VRK2: variants seen among roughly 807,000 people sequenced by gnomAD.
The protein encoded by VRK2 is serine/threonine-protein kinase VRK2.
VRK2 carries 60 observed loss-of-function variants against 57.6 expected under a neutral mutation model. That is an observed-to-expected ratio of 1.04 (90% confidence interval 0.85 to 1.29). VRK2 has a LOEUF of 1.29. Ranked by LOEUF, VRK2 falls within the 50% of genes most tolerant of loss-of-function variation. The pLI, the probability that VRK2 is intolerant of heterozygous loss-of-function variation, is 0.00. For missense variants in VRK2, 705 were observed against 588.1 expected (o/e 1.20, Z -2.06); for synonymous variants, 231 against 199.2 (o/e 1.16, Z -1.35).
chr2:58,047,616 A>G (rs1276355345), intron 1 of VRK2: 4 of 271,234 alleles, frequency 1.5e-5, no homozygotes, highest in Non-Finnish European at 2.3e-5. Flanking sequence ...TAAATCAGTA[A>G]ATCTGTAATA....
intron 1 of VRK2, among the ~76,000 whole-genome samples, chr2:57,958,482 T>C (rs910313998): frequency 4.0e-5 from 6 of 151,694 alleles, no homozygotes; most frequent in African/African-American, 1.4e-4. Flanking sequence ...CACACACACA[T>C]ATATCATATA....
intron 1 of VRK2, among the ~76,000 whole-genome samples, chr2:58,009,812 C>T (rs932520299): frequency 4.6e-5 from 7 of 152,072 alleles, no homozygotes; most frequent in African/African-American, 1.2e-4. Flanking sequence ...CTACGCTTTA[C>T]TTACATGAGA....
chr2:58,042,310 T>C (rs1024059762), upstream of VRK2, among the ~76,000 whole-genome samples: 2 of 152,322 alleles, frequency 1.3e-5, no homozygotes, highest in East Asian at 1.9e-4. Flanking sequence ...GTTTATCTAA[T>C]GGGCTTGGAA....
intron 2 of VRK2, among the ~76,000 whole-genome samples, chr2:58,053,787 GAC>G (rs1676103849): frequency 6.6e-6 from 1 of 152,102 alleles, no homozygotes; most frequent in Non-Finnish European, 1.5e-5. Flanking sequence ...AGCCTTATCT[GAC>G]ACAATGCAAC....
At chr2:58,046,062 C>T (rs1176404428), upstream of VRK2, among the ~76,000 whole-genome samples, 1 of 152,146 alleles carries the variant, frequency 6.6e-6, no homozygotes, top group Non-Finnish European at 1.5e-5. Context: ...CCAGGCTGGT[C>T]TCAAACTCCT....
chr2:58,086,434 G>T lies in VRK2; in HGVS notation c.344+8G>T, dbSNP rs575588866. The T allele has an allele frequency of 1.5e-4, 240 of 1,567,630 alleles. 3 individuals are homozygous for T. In the South Asian group the frequency reaches 2.8e-3, roughly 18 times the overall value. On this transcript the variant is annotated splice_region_variant and intron_variant, in intron 5 of 12. Coordinates refer to ENST00000340157, the MANE Select transcript of VRK2 (RefSeq NM_006296.7). ...TGAATTCAAGGGAAGAAGGTAAAAT[G>T]GAATTATTATAATCAAATATTTCTT...
chr2:57,978,079 A>T (rs1032205796), intron 1 of VRK2, among the ~76,000 whole-genome samples: 1 of 151,254 alleles, frequency 6.6e-6, no homozygotes, highest in African/African-American at 2.5e-5. Context: ...ATTTGATCAT[A>T]GTGAATTAGC....
intron 1 of VRK2, among the ~76,000 whole-genome samples, chr2:58,013,235 T>C (rs972251957): frequency 6.6e-6 from 1 of 152,204 alleles, no homozygotes; most frequent in Non-Finnish European, 1.5e-5. Context: ...TAACCAAAAT[T>C]TGATTATTAC....
intron 7 of VRK2, among the ~76,000 whole-genome samples, chr2:58,120,962 C>T (rs1346586732): frequency 6.6e-6 from 1 of 152,224 alleles, no homozygotes; most frequent in Non-Finnish European, 1.5e-5. Flanking sequence ...ATCTATATTG[C>T]ACTCGCCTCT....
intron 1 of VRK2, among the ~76,000 whole-genome samples, chr2:57,916,022 T>C (rs1048422060): frequency 1.3e-5 from 2 of 152,080 alleles, no homozygotes; most frequent in Non-Finnish European, 2.9e-5. Context: ...TTCCATGAAA[T>C]TGGTCCCTGG....
chr2:57,968,906 G>C (rs1476116988), intron 1 of VRK2, among the ~76,000 whole-genome samples: 1 of 152,018 alleles, frequency 6.6e-6, no homozygotes, highest in East Asian at 1.9e-4. Context: ...GCAACTTCCT[G>C]AAGACAAGCC....
chr2:57,949,572 A>G (rs948706297), intron 1 of VRK2, among the ~76,000 whole-genome samples: 7 of 152,114 alleles, frequency 4.6e-5, no homozygotes, highest in Non-Finnish European at 1.0e-4. Context: ...CCAACTGGCC[A>G]TTCTCCTATT....
chr2:58,081,129 C>G (rs905109265), intron 2 of VRK2, among the ~76,000 whole-genome samples: 4 of 151,924 alleles, frequency 2.6e-5, no homozygotes, highest in African/African-American at 4.8e-5. Context: ...CTGTTTTGGT[C>G]TGGTTAATTA....
In VRK2 at chr2:58,154,615, G is replaced by A. The variant is rs6739344; in HGVS notation, c.1183-4734G>A. 3,975 of 604,816 alleles carry A rather than the reference G, an allele frequency of 6.6e-3. 100 individuals are homozygous for A. The highest frequency in any genetic ancestry group is 0.062 in the African/African-American group (3,342 of 53,928). 37.5% of individuals were successfully genotyped at this position (604,816 alleles called of 1,614,324 possible). On this transcript the variant is annotated intron_variant, in intron 12 of 12. Transcript: ENST00000340157. ...ATATGTTGTATTTTTATTTCCATTCGGTTCAATGTATTTTTTAATTTTCCT... is the reference window on the plus strand; with the variant it reads ...ATATGTTGTATTTTTATTTCCATTCAGTTCAATGTATTTTTTAATTTTCCT...
chr2:57,954,727 T>G (rs1671532014), intron 1 of VRK2, among the ~76,000 whole-genome samples: 1 of 151,944 alleles, frequency 6.6e-6, no homozygotes, highest in African/African-American at 2.4e-5. Flanking sequence ...CAGGCCCACC[T>G]GTAAATTTTA....
intron 1 of VRK2, among the ~76,000 whole-genome samples, chr2:58,011,809 T>C (rs1190801430): frequency 1.3e-5 from 2 of 152,200 alleles, no homozygotes; most frequent in Admixed American, 6.5e-5. Flanking sequence ...TATGCTATTA[T>C]CTGAACTAAA....
chr2:58,039,875 A>G (rs1419107907), intron 3 of VRK2, among the ~76,000 whole-genome samples: 1 of 151,756 alleles, frequency 6.6e-6, no homozygotes. Context: ...TTAAATATTT[A>G]CTATAAGCAT....
intron 3 of VRK2, among the ~76,000 whole-genome samples, chr2:58,039,122 C>T (rs1481364199): frequency 1.3e-5 from 2 of 152,012 alleles, no homozygotes; most frequent in South Asian, 2.1e-4. Flanking sequence ...ATCTGATTTA[C>T]GTAAAAATAA....
intron 2 of VRK2, among the ~76,000 whole-genome samples, chr2:58,071,525 A>C (rs535352831): frequency 2.6e-5 from 4 of 152,200 alleles, no homozygotes; most frequent in African/African-American, 9.6e-5. Context: ...GTCCAGTCCT[A>C]GTACCATTTA....
Sources: allele counts gnomAD v4.1 joint callset (sites outside exome capture counted in the v4.1 genomes callset), GRCh38; gene constraint gnomAD v4.1.1; transcripts MANE v1.5; gene names NCBI Gene and HGNC (gene_info 2026-07-23, HGNC 2026-07-21).